PLOD3: variants seen among roughly 807,000 people sequenced by gnomAD.
PLOD3 encodes the protein multifunctional procollagen lysine hydroxylase and glycosyltransferase LH3.
A neutral mutation model predicts 96.9 loss-of-function variants in PLOD3; 73 were observed. The observed-to-expected ratio is 0.75, with a 90% CI of 0.62 to 0.92. The LOEUF (loss-of-function observed/expected upper bound fraction) is 0.92. Ranked by LOEUF, PLOD3 falls within the 40% of genes least tolerant of loss-of-function variation. The pLI, the probability that PLOD3 is intolerant of heterozygous loss-of-function variation, is 0.00. For missense variants in PLOD3, 1,004 were observed against 1,004.3 expected (o/e 1.00, Z 0.00); for synonymous variants, 454 against 413.7 (o/e 1.10, Z -1.18).
Position 101,206,901 on chromosome 7 carries a change from G to T in PLOD3, c.1939C>A (p.Arg647=). ...SLFPGYHTKA[R]AVMNFVVRYR... is the part of the protein sequence containing the mutation. ...CGAACCACAAAGTTCATCACCGCCCGCGCCTGGGGGAGAGGAGGGAAGAGG... is the reference window on the plus strand; with the variant it reads ...CGAACCACAAAGTTCATCACCGCCCTCGCCTGGGGGAGAGGAGGGAAGAGG... The change falls in exon 18 of 19, where the codon CGG becomes AGG. Residue 647 remains arginine, a synonymous_variant. Transcript: ENST00000223127. 1.3e-6 allele frequency: 2 copies of T among 1,556,284 alleles called. No homozygotes were observed. Among genetic ancestry groups the T allele is most frequent in the Non-Finnish European group, 1.7e-6 (2 of 1,149,412 alleles).
In PLOD3 at chr7:101,213,098, T is replaced by C. The variant is rs1459260030; in HGVS notation, c.777+9A>G. ...AGGGCGGGGCGGGGGTTGAGACCAC[T>C]GGTGGCACCTTAGTGGGACCGTTTC... On this transcript the variant is annotated intron_variant, in intron 7 of 18. Coordinates refer to ENST00000223127, the MANE Select transcript of PLOD3 (RefSeq NM_001084.5). 1 of 1,597,154 alleles carries C rather than the reference T, an allele frequency of 6.3e-7. No individual in the cohort carries two copies. Among genetic ancestry groups the C allele is most frequent in the South Asian group, 1.1e-5 (1 of 90,702 alleles).
chr7:101,211,740 C>T, intron 11 of PLOD3, 24 bp from the exon 12 acceptor site: 3 of 1,598,584 alleles, frequency 1.9e-6, no homozygotes, highest in Middle Eastern at 1.7e-4. Flanking sequence ...GGGGTGAGGG[C>T]TGGGCAGACG....
chr7:101,206,114 TGA>T lies in PLOD3; in HGVS notation c.*165_*166del, dbSNP rs1798077212. On this transcript the variant is annotated 3_prime_UTR_variant, in exon 19 of 19. Coordinates refer to ENST00000223127, the MANE Select transcript of PLOD3 (RefSeq NM_001084.5). Reference sequence around the variant, plus strand: ...AGAGGCGGGGACTCCGGGAGCTTCCTGAGAGGGCCGTGTCTTGGGAGCAAGGT... The same window carrying T: ...AGAGGCGGGGACTCCGGGAGCTTCCTGAGGGCCGTGTCTTGGGAGCAAGGT... The T allele has an allele frequency of 5.0e-6, 4 of 792,656 alleles. No homozygotes were observed. Among genetic ancestry groups the T allele is most frequent in the Non-Finnish European group, 8.7e-6 (4 of 460,944 alleles). 49.1% of individuals were successfully genotyped at this position (792,656 alleles called of 1,614,324 possible).
rs1432054659 is a variant in PLOD3 at position 101,210,399 on chromosome 7, G to A, written c.1546C>T (p.Leu516=). The A allele has an allele frequency of 2.5e-6, 4 of 1,614,084 alleles. No individual in the cohort carries two copies. Among genetic ancestry groups the A allele is most frequent in the East Asian group, 2.2e-5 (1 of 44,886 alleles). Residue 516 remains leucine (L), a synonymous_variant, in exon 14 of 19, where the codon CTG becomes TTG. Transcript: ENST00000223127. The stretch of plus-strand genomic sequence containing the variant: ...TCCGTGTCGTATCTGGAAGTGGCCA[G>A]GAGCCGGCCAAATTCATGCTGATTG... ...LSNQHEFGRL[L]ATSRYDTEHL...
chr7:101,211,813 G>A (rs774309019), intron 11 of PLOD3, 33 bp downstream of exon 11: 3 of 1,587,378 alleles, frequency 1.9e-6, no homozygotes, highest in African/African-American at 2.7e-5. Flanking sequence ...CTGTTGGGGT[G>A]CCCTCCGGCT....
At chr7:101,211,528 G>C in intron 12 of PLOD3, 63 bp downstream of exon 12, 2 of 1,541,388 alleles carry the variant, frequency 1.3e-6, no homozygotes, top group Non-Finnish European at 1.8e-6. Flanking sequence ...GAGAGTAGGG[G>C]GCTTGGGTCT....
chr7:101,217,047 G>A, intron 1 of PLOD3, 119 bp downstream of exon 1: 1 of 1,153,166 alleles, frequency 8.7e-7, no homozygotes, highest in Non-Finnish European at 1.2e-6. Context: ...AGCCTCAAGA[G>A]CACGCTGGGC....
At chr7:101,212,970 G>A (rs746661922) in intron 7 of PLOD3, 27 bp from the exon 8 acceptor site, 1 of 1,543,356 alleles carries the variant, frequency 6.5e-7, no homozygotes, top group South Asian at 1.1e-5. Flanking sequence ...GAGGCTGAGT[G>A]GCTGAGGCCT....
At chr7:101,207,504 G>T in intron 17 of PLOD3, 74 bp downstream of exon 17, 1 of 1,489,054 alleles carries the variant, frequency 6.7e-7, no homozygotes, top group Non-Finnish European at 9.3e-7. Flanking sequence ...GGCCGAAAGG[G>T]GTCTGCGTGG....
Position 101,216,312 on chromosome 7 carries a change from A to G in PLOD3, c.353T>C (p.Leu118Pro), listed in dbSNP as rs1322535361. Residue 118 changes from leucine (L) to proline (P), a missense_variant, in exon 4 of 19, where the codon CTG becomes CCG. By Grantham distance (98) the Leu-to-Pro change is moderately conservative (BLOSUM62 -3). Coordinates refer to ENST00000223127, the MANE Select transcript of PLOD3 (RefSeq NM_001084.5). Reference sequence around the variant, plus strand: ...CAGCAGCTCTGTGGGGCTGCCGGCCAGAATCACGTCGTAGCTGGGTGAGGA... The same window carrying G: ...CAGCAGCTCTGTGGGGCTGCCGGCCGGAATCACGTCGTAGCTGGGTGAGGA... ...IMFVDSYDVILAGSPTELLKK... is the reference protein window; with the variant it reads ...IMFVDSYDVIPAGSPTELLKK... 3 of 1,613,452 alleles carry G rather than the reference A, an allele frequency of 1.9e-6. No individual in the cohort carries two copies. Among genetic ancestry groups the G allele is most frequent in the Non-Finnish European group, 2.5e-6 (3 of 1,180,022 alleles).
At position 101,213,233 on chromosome 7, in the gene PLOD3, C is replaced by A. The variant is rs747517541; in HGVS notation, c.680-29G>T. 2.8e-6 allele frequency: 4 copies of A among 1,442,070 alleles called. No homozygotes were observed. The South Asian group carries it at 4.6e-5, about 17-fold the overall frequency. The allele number at this position is 1,442,070 out of a possible 1,614,324, so 89.3% of individuals were successfully genotyped here. ...GGGAAGAAAAAGGCCAGGCTTCAGA[C>A]CCCCTTTCTCTGGGAGCTACCAAGC... On this transcript the variant is annotated intron_variant, in intron 6 of 18. Transcript: ENST00000223127.
Position 101,207,633 on chromosome 7 carries a change from A to G in PLOD3, c.1880T>C (p.Leu627Pro). ...GGTCATGGGGCCCACATACGTCCGCAGCAGCTGCAGCCACTGGTCCTCGTA... is the reference window on the plus strand; with the variant it reads ...GGTCATGGGGCCCACATACGTCCGCGGCAGCTGCAGCCACTGGTCCTCGTA... ...VGYEDQWLQLLRTYVGPMTES... is the reference protein window; with the variant it reads ...VGYEDQWLQLPRTYVGPMTES... Residue 627 changes from leucine to proline, a missense_variant, in exon 17 of 19, where the codon CTG becomes CCG. Leu to Pro is a moderately conservative substitution (Grantham distance 98). Around this residue, in one of 5 missense-constraint regions of PLOD3, gnomAD observed 222 missense variants for 220.4 expected, o/e 1.01. Coordinates refer to ENST00000223127, the MANE Select transcript of PLOD3 (RefSeq NM_001084.5). The G allele has an allele frequency of 6.2e-7, 1 of 1,613,998 alleles. No homozygotes were observed. The highest frequency in any genetic ancestry group is 1.1e-5 in the South Asian group (1 of 91,080).
Position 101,210,387 on chromosome 7 carries a change from T to C in PLOD3, c.1558A>G (p.Arg520Gly). 6.2e-7 allele frequency: 1 copy of C among 1,614,180 alleles called. No homozygotes were observed. Among genetic ancestry groups the C allele is most frequent in the Non-Finnish European group, 8.5e-7 (1 of 1,180,036 alleles). ...HEFGRLLATS[R>G]YDTEHLHPDL... ...GGGTGCAGGTGCTCCGTGTCGTATC[T>C]GGAAGTGGCCAGGAGCCGGCCAAAT... Residue 520 changes from arginine (R) to glycine (G), a missense_variant, in exon 14 of 19, where the codon AGA becomes GGA. Arg to Gly is a moderately radical substitution (Grantham distance 125). Transcript: ENST00000223127.
At position 101,216,652 on chromosome 7, in the gene PLOD3, C is replaced by T. The variant is rs758733348; in HGVS notation, c.201+43G>A. ...TGGGCATCCAGACTTCAGCCCACCC[C>T]TCCTGCTGGGACCCCCTCCCAGGGG... On this transcript the variant is annotated intron_variant, in intron 2 of 18. Transcript: ENST00000223127. The T allele has an allele frequency of 8.7e-6, 14 of 1,607,266 alleles. 1 individual carries two copies. In the Middle Eastern group the frequency reaches 1.7e-3, roughly 191 times the overall value.
At position 101,212,933 on chromosome 7, in the gene PLOD3, T is replaced by G; in HGVS notation, c.788A>C (p.Asn263Thr). The change falls in exon 8 of 19, where the codon AAC (asparagine) becomes ACC (threonine). Residue 263 changes from asparagine (N) to threonine (T), a missense_variant. Physicochemically the swap from Asn to Thr is moderately conservative, Grantham distance 65 (BLOSUM62 0). Transcript: ENST00000223127. The part of the protein sequence containing the change: ...HGNGPTKLQL[N>T]YLGNYVPNGW... ...ATTGGGGACGTAGTTTCCCAGGTAGTTGAGCTGCAGCTGTTGGGGACAGAC... is the reference window on the plus strand; with the variant it reads ...ATTGGGGACGTAGTTTCCCAGGTAGGTGAGCTGCAGCTGTTGGGGACAGAC... 6.2e-7 allele frequency: 1 copy of G among 1,613,032 alleles called. No homozygotes were observed.
chr7:101,211,850 TCTC>T lies in PLOD3; in HGVS notation c.1225_1227del (p.Glu409del), dbSNP rs1249372726. On this transcript the variant is annotated inframe_deletion, in exon 11 of 19. Coordinates refer to ENST00000223127, the MANE Select transcript of PLOD3 (RefSeq NM_001084.5). Reference sequence around the variant, plus strand: ...CGGGGAGAGGGGGTAAGCCACCTGTTCTCCTCAATGAGGATACGCAGGGTCTGC... The same window carrying T: ...CGGGGAGAGGGGGTAAGCCACCTGTTCTCAATGAGGATACGCAGGGTCTGC... 5.6e-6 allele frequency: 9 copies of T among 1,610,996 alleles called. No homozygotes were observed. The highest frequency in any genetic ancestry group is 7.6e-6 in the Non-Finnish European group (9 of 1,178,342).
Position 101,207,636 on chromosome 7 carries a change from A to C in PLOD3, c.1877T>G (p.Leu626Arg). The C allele has an allele frequency of 6.2e-7, 1 of 1,614,066 alleles. No homozygotes were observed. Among genetic ancestry groups the C allele is most frequent in the South Asian group, 1.1e-5 (1 of 91,082 alleles). Residue 626 changes from leucine to arginine, a missense_variant, in exon 17 of 19, where the codon CTG (leucine) becomes CGG (arginine). Transcript: ENST00000223127. ...QVGYEDQWLQ[L>R]LRTYVGPMTE... is the part of the protein sequence containing the mutation. ...CATGGGGCCCACATACGTCCGCAGC[A>C]GCTGCAGCCACTGGTCCTCGTACCC...
At chr7:101,213,225 G>C (rs777444458) in intron 6 of PLOD3, 21 bp from the exon 7 acceptor site, 10 of 1,496,692 alleles carry the variant, frequency 6.7e-6, no homozygotes, top group African/African-American at 1.4e-5. Context: ...AAAAGGCCAG[G>C]CTTCAGACCC....
intron 16 of PLOD3, chr7:101,208,481 T>C: frequency 2.9e-6 from 1 of 345,458 alleles, no homozygotes. Context: ...CCCCAGGTGA[T>C]CCACCTGCCT....
Sources: gnomAD v4.1 joint callset for allele counts on GRCh38, gnomAD v4.1.1 for gene constraint, gnomAD v4.1.1 regional missense constraint, MANE v1.5 for transcripts, NCBI Gene and HGNC (gene_info 2026-07-23, HGNC 2026-07-21) for gene names.